Variants in ALMS1 observed in about 807,000 individuals in gnomAD.
ALMS1 encodes the protein ALMS1 centrosome and basal body associated protein.
A neutral mutation model predicts 352.2 loss-of-function variants in ALMS1; 271 were observed. That is an observed-to-expected ratio of 0.77 (90% confidence interval 0.70 to 0.85). The LOEUF is 0.85. ALMS1 is among the 40% of genes least tolerant of loss of function. ALMS1 has a pLI of 0.00. For missense variants in ALMS1, 5,445 were observed against 4,870.7 expected (o/e 1.12, Z -3.51); for synonymous variants, 1,865 against 1,761.2 (o/e 1.06, Z -1.48).
intron 11 of ALMS1, among the ~76,000 whole-genome samples, chr2:73,525,643 A>G (rs985108051): frequency 5.9e-5 from 9 of 151,360 alleles, no homozygotes; most frequent in South Asian, 2.1e-4. Context: ...TTTTTTTCCT[A>G]TAGAGTTGTT....
At chr2:73,596,424 G>C (rs1450413134) in intron 16 of ALMS1, among the ~76,000 whole-genome samples, 1 of 151,164 alleles carries the variant, frequency 6.6e-6, no homozygotes, top group African/African-American at 2.4e-5. Flanking sequence ...ACATATGTAA[G>C]GCTTCATTTG....
intron 11 of ALMS1, among the ~76,000 whole-genome samples, chr2:73,525,842 T>C (rs1673779605): frequency 6.6e-6 from 1 of 152,210 alleles, no homozygotes; most frequent in Non-Finnish European, 1.5e-5. Flanking sequence ...ACTCAAGAAA[T>C]CTTTGCCAAT....
chr2:73,473,345 G>A (rs1672506779), intron 9 of ALMS1, among the ~76,000 whole-genome samples: 1 of 151,958 alleles, frequency 6.6e-6, no homozygotes, highest in African/African-American at 2.4e-5. Flanking sequence ...AGCTAAGTGA[G>A]CACAGACTTC....
In ALMS1 at chr2:73,601,468, C is replaced by A. The variant is rs28730863; in HGVS notation, c.12114+32C>A. The stretch of plus-strand genomic sequence containing the variant: ...TGACGTTGACTTAACTTTAATGCTA[C>A]GTGTAGGGAGAAGAAGGGCAAGGCG... On this transcript the variant is annotated intron_variant, in intron 19 of 22. Coordinates refer to ENST00000613296, the MANE Select transcript of ALMS1 (RefSeq NM_001378454.1). 2.5e-6 allele frequency: 4 copies of A among 1,610,168 alleles called. No homozygotes were observed. In the African/African-American group the frequency reaches 5.3e-5, roughly 22 times the overall value.
intron 13 of ALMS1, among the ~76,000 whole-genome samples, chr2:73,556,742 G>A (rs191713477): frequency 6.6e-5 from 10 of 150,446 alleles, no homozygotes; most frequent in East Asian, 2.0e-4. Context: ...TCTCACTGTC[G>A]CCCCGGCTGG....
chr2:73,454,103 T>A, intron 8 of ALMS1, 36 bp downstream of exon 8: 16 of 1,570,872 alleles, frequency 1.0e-5, no homozygotes, highest in Non-Finnish European at 1.4e-5. Context: ...AACGTTATAG[T>A]TTAATAATGT....
At chr2:73,536,188 T>C (rs1220593666) in intron 12 of ALMS1, among the ~76,000 whole-genome samples, 1 of 152,202 alleles carries the variant, frequency 6.6e-6, no homozygotes, top group Non-Finnish European at 1.5e-5. Flanking sequence ...GGTAGGAAAA[T>C]CTTCTGTCCC....
At chr2:73,387,861 G>A (rs1426751503) in intron 1 of ALMS1, among the ~76,000 whole-genome samples, 2 of 152,202 alleles carry the variant, frequency 1.3e-5, no homozygotes, top group African/African-American at 4.8e-5. Flanking sequence ...GAATAGGGAA[G>A]TGTTGGTGGA....
chr2:73,560,042 C>G lies in ALMS1; in HGVS notation c.10384+900C>G, dbSNP rs184458456. On this transcript the variant is annotated intron_variant, in intron 15 of 22. Coordinates refer to ENST00000613296, the MANE Select transcript of ALMS1 (RefSeq NM_001378454.1). ...CAAAAATAGACCAATGAAACTACAT[C>G]AAACTTGAAAACTTCTGCATGACAA... Among the ~76,000 whole-genome samples the G allele has an allele frequency of 1.0e-3, 155 of 152,216 alleles. 1 individual carries two copies. Among genetic ancestry groups the G allele is most frequent in the African/African-American group, 3.7e-3 (155 of 41,538 alleles).
chr2:73,419,409 T>A, intron 3 of ALMS1, 91 bp downstream of exon 3: 2 of 1,274,532 alleles, frequency 1.6e-6, no homozygotes, highest in Non-Finnish European at 2.3e-6. Context: ...CTTTTTGAGT[T>A]AAGGAGCTCT....
chr2:73,428,450 A>G (rs1671438161), intron 6 of ALMS1, among the ~76,000 whole-genome samples: 1 of 152,154 alleles, frequency 6.6e-6, no homozygotes, highest in South Asian at 2.1e-4. Flanking sequence ...AGAGGTTTTG[A>G]AGGAGATTGC....
chr2:73,458,157 T>C (rs1672111413), intron 9 of ALMS1: 1 of 152,140 alleles, frequency 6.6e-6, no homozygotes, highest in African/African-American at 2.4e-5. Context: ...TTGACTTTTT[T>C]CAGTCTATTA....
intron 10 of ALMS1, among the ~76,000 whole-genome samples, chr2:73,509,477 T>C (rs1414571365): frequency 2.0e-5 from 3 of 152,158 alleles, no homozygotes; most frequent in African/African-American, 7.2e-5. Context: ...CCCTCAGCAT[T>C]TACCTGTCTG....
At chr2:73,484,305 A>G (rs967400496) in intron 9 of ALMS1, among the ~76,000 whole-genome samples, 10 of 151,268 alleles carry the variant, frequency 6.6e-5, no homozygotes, top group African/African-American at 2.4e-4. Flanking sequence ...CTTGTCTGTA[A>G]AGGATTTTAT....
chr2:73,486,763 A>G (rs1049971344), intron 9 of ALMS1, among the ~76,000 whole-genome samples: 3 of 152,196 alleles, frequency 2.0e-5, no homozygotes, highest in African/African-American at 7.2e-5. Context: ...GGAAAAGTAC[A>G]TCTGGCCAGG....
In ALMS1 at chr2:73,464,861, G is replaced by A. The variant is rs181961499; in HGVS notation, c.7674+9566G>A. ...CCCATTCACAGTTGCTTCAAAGAGA[G>A]TAAAATACCTAGGAATCCAACTTAC... On this transcript the variant is annotated intron_variant, in intron 9 of 22. Coordinates refer to ENST00000613296, the MANE Select transcript of ALMS1 (RefSeq NM_001378454.1). Among the ~76,000 whole-genome samples the A allele has an allele frequency of 8.8e-4, 132 of 149,752 alleles. 2 individuals carry two copies. In the East Asian group the frequency reaches 0.022, roughly 25 times the overall value.
upstream of ALMS1, chr2:73,385,784 G>A (rs2104055225): frequency 3.2e-6 from 2 of 626,374 alleles, no homozygotes; most frequent in Admixed American, 5.2e-5. Flanking sequence ...GCCTAAGCTG[G>A]GCCACAACCG....
intron 11 of ALMS1, among the ~76,000 whole-genome samples, chr2:73,526,372 G>T (rs1431003079): frequency 6.6e-6 from 1 of 152,010 alleles, no homozygotes; most frequent in African/African-American, 2.4e-5. Flanking sequence ...ATACCCCACT[G>T]CTTTAGGTAG....
chr2:73,472,420 A>T (rs1672486533), intron 9 of ALMS1, among the ~76,000 whole-genome samples: 2 of 152,128 alleles, frequency 1.3e-5, no homozygotes, highest in South Asian at 4.1e-4. Context: ...ATGATAAAGA[A>T]TATGTATTTG....
Sources: allele counts gnomAD v4.1 joint callset (sites outside exome capture counted in the v4.1 genomes callset), GRCh38; gene constraint gnomAD v4.1.1; transcripts MANE v1.5; gene names NCBI Gene and HGNC (gene_info 2026-07-23, HGNC 2026-07-21).